Variants in PATJ observed in about 807,000 individuals in gnomAD.
PATJ encodes inaD-like protein.
PATJ carries 190 observed loss-of-function variants against 224.9 expected under a neutral mutation model. The observed-to-expected ratio is 0.84, with a 90% CI of 0.75 to 0.95. The LOEUF is 0.95. PATJ is among the 40% of genes least tolerant of loss of function. The pLI is 0.00. For missense variants in PATJ, 2,121 were observed against 2,270.3 expected (o/e 0.93, Z 1.34); for synonymous variants, 769 against 820.3 (o/e 0.94, Z 1.07).
chr1:61,988,287 G>T (rs1298640572), intron 27 of PATJ, among the ~76,000 whole-genome samples: 1 of 152,204 alleles, frequency 6.6e-6, no homozygotes, highest in East Asian at 1.9e-4. Flanking sequence ...TAATAAGTTA[G>T]TATTTATTCA....
chr1:62,155,911 A>C (rs1669143774), intron 43 of PATJ, among the ~76,000 whole-genome samples: 1 of 151,632 alleles, frequency 6.6e-6, no homozygotes, highest in African/African-American at 2.4e-5. Flanking sequence ...TAAAAAAATT[A>C]GCCGGGCATG....
chr1:62,128,983 G>A, intron 41 of PATJ, 38 bp downstream of exon 41: 6 of 1,369,552 alleles, frequency 4.4e-6, no homozygotes, highest in African/African-American at 1.4e-5. Context: ...GTGCAAGGCA[G>A]ATAAGTGGCA....
At chr1:62,017,737 AAAAAAAAAAAG>A in intron 28 of PATJ, 108 bp from the exon 29 acceptor site, 3 of 562,398 alleles carry the variant, frequency 5.3e-6, no homozygotes, top group South Asian at 2.7e-5. Flanking sequence ...CTCAAAAAAA[AAAAAAAAAAAG>A]AAAAGAAAAG....
At chr1:62,062,336 G>T (rs114919236) in intron 31 of PATJ, among the ~76,000 whole-genome samples, 5,673 of 134,236 alleles carry the variant, frequency 0.042, 302 homozygotes, top group African/African-American at 0.13. Flanking sequence ...TTTCTCTGGT[G>T]ATTATCGATG....
At chr1:62,073,659 A>G (rs1657812552) in intron 31 of PATJ, among the ~76,000 whole-genome samples, 1 of 151,982 alleles carries the variant, frequency 6.6e-6, no homozygotes, top group South Asian at 2.1e-4. Flanking sequence ...TAAATAAATA[A>G]TAAAAGGGTA....
chr1:61,869,964 G>A lies in PATJ; in HGVS notation c.2836-5279G>A, dbSNP rs575108715. Among the ~76,000 whole-genome samples the A allele has an allele frequency of 3.3e-4, 51 of 152,328 alleles. No homozygotes were observed. In the South Asian group the frequency reaches 4.3e-3, roughly 13 times the overall value. On this transcript the variant is annotated intron_variant, in intron 20 of 43. Transcript: ENST00000642238. ...TGCAATCCCCGAAGCCCCAGTGGGCGTGTTACGGTGATCTTTTAGCTCTGC... is the reference window on the plus strand; with the variant it reads ...TGCAATCCCCGAAGCCCCAGTGGGCATGTTACGGTGATCTTTTAGCTCTGC...
rs66664532 is a variant in PATJ, at chr1:61,779,060, T to TATG, written c.849+3726_849+3727insATG. On this transcript the variant is annotated intron_variant, in intron 7 of 43. Coordinates refer to ENST00000642238, the MANE Select transcript of PATJ (RefSeq NM_001350145.3). The stretch of plus-strand genomic sequence containing the variant: ...AATATAATGACATAATATACATAAA[T>TATG]GATAAAAATTAACATACTAAATATT... Among the ~76,000 whole-genome samples the TATG allele has an allele frequency of 3.6e-3, 4 of 1,110 alleles. No individual in the cohort carries two copies. In the Non-Finnish European group the frequency reaches 0.12, roughly 32 times the overall value. The allele number at this position is 1,110 out of a possible 152,430, so 0.7% of individuals were successfully genotyped here.
chr1:61,884,450 GGTTT>G lies in PATJ; in HGVS notation c.3131+43_3131+46del, dbSNP rs768306110. On this transcript the variant is annotated intron_variant, in intron 22 of 43. Transcript: ENST00000642238. The stretch of plus-strand genomic sequence containing the variant: ...CTTTGTTTTCACATTATAAAATAGT[GGTTT>G]TTTTTTTTTTTTTTTTTTTGCTTAA... 146 of 689,038 alleles carry G rather than the reference GGTTT, an allele frequency of 2.1e-4. No homozygotes were observed. In the African/African-American group the frequency reaches 2.4e-3, roughly 11 times the overall value. 42.7% of individuals were successfully genotyped at this position (689,038 alleles called of 1,614,324 possible). A position where few individuals can be genotyped will look rare whatever the true frequency, so the allele number is the denominator to read the frequency against.
chr1:61,803,976 T>C (rs1298060856), intron 12 of PATJ, among the ~76,000 whole-genome samples: 1 of 152,186 alleles, frequency 6.6e-6, no homozygotes, highest in African/African-American at 2.4e-5. Flanking sequence ...GACTGTGTTT[T>C]CATTGTACAA....
At chr1:62,022,946 T>C (rs1570126611) in intron 29 of PATJ, among the ~76,000 whole-genome samples, 1 of 151,972 alleles carries the variant, frequency 6.6e-6, no homozygotes, top group Admixed American at 6.6e-5. Context: ...AATGCCAGAG[T>C]CATCTTAAGG....
At chr1:61,931,313 TC>T (rs1276497989) in intron 27 of PATJ, among the ~76,000 whole-genome samples, 3 of 151,878 alleles carry the variant, frequency 2.0e-5, no homozygotes, top group South Asian at 2.1e-4. Flanking sequence ...TTATAAACAA[TC>T]AGATAGTTTA....
At chr1:61,959,495 C>T (rs1268121215) in intron 27 of PATJ, among the ~76,000 whole-genome samples, 1 of 142,766 alleles carries the variant, frequency 7.0e-6, no homozygotes, top group African/African-American at 2.7e-5. Flanking sequence ...AGTGCAGTGG[C>T]ACAATCATGG....
chr1:62,021,271 T>C (rs563623944), intron 29 of PATJ, among the ~76,000 whole-genome samples: 2 of 152,160 alleles, frequency 1.3e-5, no homozygotes, highest in Non-Finnish European at 2.9e-5. Flanking sequence ...CCCTTGGGCC[T>C]ACTTTCTAGG....
At chr1:61,913,243 T>C (rs912961071) in intron 25 of PATJ, among the ~76,000 whole-genome samples, 7 of 152,176 alleles carry the variant, frequency 4.6e-5, no homozygotes, top group Non-Finnish European at 8.8e-5. Context: ...AATTTATTTA[T>C]GTATTTTTTG....
At chr1:62,106,158 G>GTGTGTGTGTATATATATA (rs1356937495) in intron 33 of PATJ, among the ~76,000 whole-genome samples, 4 of 48,052 alleles carry the variant, frequency 8.3e-5, no homozygotes, top group Non-Finnish European at 1.8e-4. Context: ...GTGTGTGTGT[G>GTGTGTGTGTATATATATA]TATATATATA....
chr1:61,904,131 G>A (rs1179199599), intron 24 of PATJ, among the ~76,000 whole-genome samples: 2 of 151,864 alleles, frequency 1.3e-5, no homozygotes, highest in East Asian at 3.9e-4. Flanking sequence ...AGTTTTAGTT[G>A]TATTTTTTGT....
chr1:61,896,295 C>CAAA (rs386367129), intron 22 of PATJ, among the ~76,000 whole-genome samples: 10,871 of 143,806 alleles, frequency 0.076, 564 homozygotes, highest in South Asian at 0.24. Context: ...GACTCCATCT[C>CAAA]AAAAAAAAAA....
chr1:61,771,864 C>T (rs1226223309), intron 6 of PATJ, among the ~76,000 whole-genome samples: 5 of 151,854 alleles, frequency 3.3e-5, no homozygotes, highest in South Asian at 4.2e-4. Flanking sequence ...GGACTACAGG[C>T]GCCCACCATC....
At chr1:61,792,391 A>G (rs1650070831) in intron 9 of PATJ, among the ~76,000 whole-genome samples, 1 of 152,264 alleles carries the variant, frequency 6.6e-6, no homozygotes, top group South Asian at 2.1e-4. Context: ...GTCTGGTTAG[A>G]GGAATCATTA....
Sources: allele counts gnomAD v4.1 joint callset (sites outside exome capture counted in the v4.1 genomes callset), GRCh38; gene constraint gnomAD v4.1.1; transcripts MANE v1.5; gene names NCBI Gene and HGNC (gene_info 2026-07-23, HGNC 2026-07-21).